Variants in DNAI3 observed in about 807,000 individuals in gnomAD.
DNAI3 encodes dynein axonemal intermediate chain 3.
A neutral mutation model predicts 115.5 loss-of-function variants in DNAI3; 83 were observed. The ratio of observed to expected loss-of-function variants is 0.72; its 90% CI spans 0.60 to 0.86. The LOEUF (loss-of-function observed/expected upper bound fraction) is 0.86, where lower values mean the gene tolerates loss of function less well. DNAI3 is among the 40% of genes least tolerant of loss of function. The pLI is 0.00. For synonymous variants in DNAI3, 320 were observed against 347.0 expected (o/e 0.92, Z 0.86); for missense variants, 1,004 against 1,075.8 (o/e 0.93, Z 0.93).
intron 16 of DNAI3, among the ~76,000 whole-genome samples, chr1:85,116,040 C>T (rs968352298): frequency 3.9e-5 from 6 of 152,128 alleles, no homozygotes; most frequent in East Asian, 1.9e-4. Flanking sequence ...CTACTTCTTC[C>T]GTTATTCCTC....
intron 21 of DNAI3, 53 bp downstream of exon 21, chr1:85,128,852 A>T: frequency 3.3e-5 from 49 of 1,494,412 alleles, no homozygotes; most frequent in Non-Finnish European, 4.3e-5. Flanking sequence ...TATTGCTGAG[A>T]TATGTCTTTA....
At chr1:85,113,305 G>A (rs1655711316) in intron 16 of DNAI3, among the ~76,000 whole-genome samples, 1 of 152,088 alleles carries the variant, frequency 6.6e-6, no homozygotes, top group Non-Finnish European at 1.5e-5. Flanking sequence ...TGTTTGCCTA[G>A]CCCACAGTTG....
At chr1:85,108,976 G>A (rs1655576143) in intron 15 of DNAI3, among the ~76,000 whole-genome samples, 2 of 152,186 alleles carry the variant, frequency 1.3e-5, no homozygotes, top group South Asian at 4.1e-4. Flanking sequence ...CCTCCCTACT[G>A]TAGCCAAAAT....
intron 16 of DNAI3, among the ~76,000 whole-genome samples, chr1:85,115,456 C>T (rs959300518): frequency 7.9e-5 from 12 of 152,176 alleles, no homozygotes; most frequent in African/African-American, 2.9e-4. Flanking sequence ...TAGTGCCTGG[C>T]ATGTAGTAAG....
At chr1:85,103,388 A>G (rs1473775964) in intron 13 of DNAI3, among the ~76,000 whole-genome samples, 10 of 152,146 alleles carry the variant, frequency 6.6e-5, no homozygotes, top group South Asian at 6.2e-4. Flanking sequence ...CAAAAAGGTC[A>G]GGTCTTACAA....
Position 85,093,651 on chromosome 1 carries a change from G to C in DNAI3, c.1048+3G>C. ...CTCATGGCATCCAACTATCTATGGT[G>C]AGATGGAAATGATGGGGATTCCCTT... On this transcript the variant is annotated splice_donor_region_variant and intron_variant, in intron 9 of 22. Coordinates refer to ENST00000294664, the MANE Select transcript of DNAI3 (RefSeq NM_145172.5). The C allele has an allele frequency of 6.2e-7, 1 of 1,613,720 alleles. No individual in the cohort carries two copies. The highest frequency in any genetic ancestry group is 8.5e-7 in the Non-Finnish European group (1 of 1,179,608).
chr1:85,079,450 T>C lies in DNAI3; in HGVS notation c.104-1784T>C, dbSNP rs75598584. 2.3e-3 allele frequency among the ~76,000 whole-genome samples: 354 copies of C among 152,292 alleles called. 12 individuals are homozygous for C. The East Asian group carries it at 0.057, about 25-fold the overall frequency. The stretch of plus-strand genomic sequence containing the variant: ...CCTGGGGTGGGGGAAAATATTTCTA[T>C]TGGAAAATAAGCTCAAAATTCCAAC... On this transcript the variant is annotated intron_variant, in intron 3 of 22. Coordinates refer to ENST00000294664, the MANE Select transcript of DNAI3 (RefSeq NM_145172.5).
In DNAI3 at chr1:85,084,551, A is replaced by G. The variant is rs747318465; in HGVS notation, c.396A>G (p.Pro132=). Residue 132 remains proline, a synonymous_variant, in exon 6 of 23, where the codon CCA becomes CCG. Transcript: ENST00000294664. ...TGCTATTTATTTTACTTTAGCCCCC[A>G]GAAGTACCAGAAGAACAAGAAGAAT... ...EEGKENYLNP[P]EVPEEQEEYK... is the part of the protein sequence containing the mutation. 1 of 1,439,628 alleles carries G rather than the reference A, an allele frequency of 6.9e-7. No homozygotes were observed. Among genetic ancestry groups the G allele is most frequent in the Non-Finnish European group, 9.2e-7 (1 of 1,091,682 alleles). The allele number at this position is 1,439,628 out of a possible 1,614,324, so 89.2% of individuals were successfully genotyped here.
At chr1:85,132,732 C>A in intron 22 of DNAI3, 123 bp from the exon 23 acceptor site, 1 of 1,250,160 alleles carries the variant, frequency 8.0e-7, no homozygotes, top group Admixed American at 2.5e-5. Flanking sequence ...TTCCTGCCCT[C>A]CATCCAGCCC....
chr1:85,101,683 G>A (rs562908999), intron 13 of DNAI3, among the ~76,000 whole-genome samples: 65 of 121,152 alleles, frequency 5.4e-4, no homozygotes, highest in African/African-American at 2.0e-3. Context: ...AGCCGAGATC[G>A]CGCCACTGCA....
intron 1 of DNAI3, among the ~76,000 whole-genome samples, chr1:85,067,722 G>A (rs1320112509): frequency 6.6e-6 from 1 of 152,182 alleles, no homozygotes; most frequent in African/African-American, 2.4e-5. Flanking sequence ...ACAAAGAAGA[G>A]GTTAGAGTAT....
At chr1:85,073,392 A>G (rs1654347519) in intron 3 of DNAI3, among the ~76,000 whole-genome samples, 1 of 152,242 alleles carries the variant, frequency 6.6e-6, no homozygotes, top group African/African-American at 2.4e-5. Flanking sequence ...CTTTTATCAG[A>G]TAAGTATTTT....
At chr1:85,070,201 C>T (rs992502805) in intron 1 of DNAI3, among the ~76,000 whole-genome samples, 24 of 152,000 alleles carry the variant, frequency 1.6e-4, no homozygotes, top group African/African-American at 5.1e-4. Flanking sequence ...GCGGAGGTTG[C>T]GGTGAGCTGA....
rs554640806 is a variant in DNAI3 at position 85,062,774 on chromosome 1, A to G, written c.-15+288A>G. ...ACTATCATATTGCCTAGTACATAGT[A>G]GGAACTCAATAAACCATGAATGAGT... is the stretch of plus-strand genomic sequence containing the variant. On this transcript the variant is annotated intron_variant, in intron 1 of 22. Coordinates refer to ENST00000294664, the MANE Select transcript of DNAI3 (RefSeq NM_145172.5). Among the ~76,000 whole-genome samples the G allele has an allele frequency of 3.3e-4, 49 of 150,134 alleles. No homozygotes were observed. The South Asian group carries it at 9.1e-3, about 28-fold the overall frequency.
At chr1:85,109,184 TG>T (rs1655583708) in intron 15 of DNAI3, among the ~76,000 whole-genome samples, 1 of 152,242 alleles carries the variant, frequency 6.6e-6, no homozygotes. Flanking sequence ...GAGAAAAATA[TG>T]GCTATGGACA....
chr1:85,069,610 A>G (rs992386256), intron 1 of DNAI3, among the ~76,000 whole-genome samples: 2 of 151,582 alleles, frequency 1.3e-5, no homozygotes, highest in Non-Finnish European at 2.9e-5. Context: ...TTGATCTCGA[A>G]CTCCTGACCT....
At chr1:85,070,247 T>A (rs1054414973) in intron 1 of DNAI3, among the ~76,000 whole-genome samples, 4 of 152,006 alleles carry the variant, frequency 2.6e-5, no homozygotes, top group African/African-American at 4.8e-5. Flanking sequence ...GGCAACAGAG[T>A]GAAACTCTGT....
At chr1:85,091,192 T>G (rs767860923) in intron 8 of DNAI3, among the ~76,000 whole-genome samples, 14 of 152,122 alleles carry the variant, frequency 9.2e-5, no homozygotes, top group Non-Finnish European at 2.1e-4. Flanking sequence ...TTATCAAAAT[T>G]TAGTAGTCAT....
At chr1:85,111,524 T>C (rs1655662822) in intron 16 of DNAI3, among the ~76,000 whole-genome samples, 2 of 152,222 alleles carry the variant, frequency 1.3e-5, no homozygotes, top group African/African-American at 4.8e-5. Flanking sequence ...AGGGGTACGA[T>C]GGTGAGCAAA....
Sources: allele counts gnomAD v4.1 joint callset (sites outside exome capture counted in the v4.1 genomes callset), GRCh38; gene constraint gnomAD v4.1.1; transcripts MANE v1.5; gene names NCBI Gene and HGNC (gene_info 2026-07-23, HGNC 2026-07-21).